ADCK5: variants seen among roughly 807,000 people sequenced by gnomAD.
ADCK5 encodes the protein aarF domain containing kinase 5.
Under a neutral mutation model 64.9 loss-of-function variants are expected in ADCK5, and 43 were observed. The ratio of observed to expected loss-of-function variants is 0.66; its 90% CI spans 0.52 to 0.85. The LOEUF (loss-of-function observed/expected upper bound fraction) is 0.85, where lower values mean the gene tolerates loss of function less well. Among genes scored for constraint, ADCK5 ranks in the 40% least tolerant of loss-of-function variants. The pLI is 0.00. For synonymous variants in ADCK5, 434 were observed against 342.8 expected, an observed-to-expected ratio of 1.27 and a Z score of -2.94; for missense variants, 760 against 810.5, an observed-to-expected ratio of 0.94 and a Z score of 0.76.
intron 1 of ADCK5, 64 bp from the exon 2 acceptor site, chr8:144,379,323 A>G (rs1819499960): frequency 8.0e-7 from 1 of 1,245,748 alleles, no homozygotes; most frequent in Admixed American, 2.3e-5. Flanking sequence ...AAGTGCTGGT[A>G]CTGGTTGAGG....
chr8:144,383,081 G>T lies in ADCK5; in HGVS notation c.117G>T (p.Arg39Ser), dbSNP rs782060730. The change falls in exon 3 of 15, where the codon AGG (arginine) becomes AGT (serine). Residue 39 changes from arginine to serine, a missense_variant and splice_region_variant. By Grantham distance (110) the Arg-to-Ser change is moderately radical. Around this residue, in one of 2 missense-constraint regions of ADCK5, gnomAD observed 427 missense variants for 518.4 expected, o/e 0.82. Transcript: ENST00000308860. ...TCCAGGCTGCATTGTCTCTCCTCAG[G>T]TTCTCCAGCCCCACACCCCTGTGGA... ...FRRNVRGLPPRFSSPTPLWRK... is the reference protein window; with the variant it reads ...FRRNVRGLPPSFSSPTPLWRK... 12 of 1,587,266 alleles carry T rather than the reference G, an allele frequency of 7.6e-6. No homozygotes were observed. The African/African-American group carries it at 1.1e-4, about 14-fold the overall frequency.
chr8:144,391,762 C>A, intron 8 of ADCK5, 21 bp from the exon 9 acceptor site: 1 of 1,540,896 alleles, frequency 6.5e-7, no homozygotes, highest in Non-Finnish European at 8.7e-7. Context: ...CCTGCTGAGC[C>A]CAGCCTCTTG....
Position 144,391,047 on chromosome 8 carries a change from C to T in ADCK5, c.534C>T (p.Gly178=), listed in dbSNP as rs1820195861. 1.9e-6 allele frequency: 3 copies of T among 1,612,280 alleles called. No homozygotes were observed. The African/African-American group carries it at 4.0e-5, about 22-fold the overall frequency. Residue 178 remains glycine (G), a synonymous_variant, in exon 5 of 15, where the codon GGC becomes GGT. Coordinates refer to ENST00000308860, the MANE Select transcript of ADCK5 (RefSeq NM_174922.5). ...TAGAGGACAGGGCCCTCAAGCGGGG[C>T]TTCCAGGAGGTGAGTGTGCGCTCAG... The part of the protein sequence containing the change: ...RVLEDRALKR[G]FQEVDELFLE...
chr8:144,383,373 C>T, intron 3 of ADCK5, 143 bp downstream of exon 3: 1 of 1,270,698 alleles, frequency 7.9e-7, no homozygotes. Context: ...TTTACAGCTG[C>T]TTTTCAGGCG....
Position 144,392,952 on chromosome 8 carries a change from T to C in ADCK5, c.1638-17T>C, listed in dbSNP as rs377619920. ...CTGCTCCCCACCCACCTGTGACCTG[T>C]GACCTGACCCACGCAGGCTGGAGAC... On this transcript the variant is annotated splice_polypyrimidine_tract_variant and intron_variant, in intron 14 of 14. Coordinates refer to ENST00000308860, the MANE Select transcript of ADCK5 (RefSeq NM_174922.5). The C allele has an allele frequency of 5.7e-6, 9 of 1,586,962 alleles. No homozygotes were observed. Among genetic ancestry groups the C allele is most frequent in the African/African-American group, 2.7e-5 (2 of 74,648 alleles).
chr8:144,393,079 C>T lies in ADCK5; in HGVS notation c.*5C>T, dbSNP rs1820407258. On this transcript the variant is annotated 3_prime_UTR_variant, in exon 15 of 15. Transcript: ENST00000308860. ...TACCAGTACCTGGAGACCTAGGGTG[C>T]AGCCGCCCAGGGCCGGCGGGGCCCT... is the stretch of plus-strand genomic sequence containing the variant. The T allele has an allele frequency of 1.3e-6, 2 of 1,561,402 alleles. No homozygotes were observed. Among genetic ancestry groups the T allele is most frequent in the Non-Finnish European group, 8.6e-7 (1 of 1,158,168 alleles).
upstream of ADCK5, chr8:144,373,989 G>A: frequency 8.4e-7 from 1 of 1,189,308 alleles, no homozygotes; most frequent in Non-Finnish European, 1.1e-6. Context: ...CCACGGGGCG[G>A]GGCTCTGGCT....
At position 144,383,245 on chromosome 8, in the gene ADCK5, C is replaced by T. The variant is rs201452935; in HGVS notation, c.266+15C>T. ...CGCTTTGGCAGGTAGGAGGGCCTGG[C>T]GGCAGGCAGGGGTTGCGGCGTGGCG... On this transcript the variant is annotated intron_variant, in intron 3 of 14. Transcript: ENST00000308860. The T allele has an allele frequency of 1.8e-5, 28 of 1,555,340 alleles. No individual in the cohort carries two copies. In the Admixed American group the frequency reaches 4.0e-4, roughly 22 times the overall value.
rs782811188 is a variant in ADCK5, at chr8:144,390,746, G to A, written c.342G>A (p.Glu114=). ...ATGTTGTCCTTCGAGGGGTGGAAGA[G>A]GTTTGTCCTGGTGCCCTGGGCACAC... ...CTNVVLRGVE[E]NSPGYLEVMS... The change falls in exon 4 of 15, where the codon GAG becomes GAA. Residue 114 remains glutamate, a splice_region_variant and synonymous_variant. Coordinates refer to ENST00000308860, the MANE Select transcript of ADCK5 (RefSeq NM_174922.5). The A allele has an allele frequency of 6.2e-7, 1 of 1,613,564 alleles. No homozygotes were observed. The highest frequency in any genetic ancestry group is 1.1e-5 in the South Asian group (1 of 90,994).
intron 1 of ADCK5, chr8:144,377,579 A>C (rs1056846458): frequency 3.3e-5 from 5 of 152,176 alleles, no homozygotes; most frequent in African/African-American, 1.2e-4. Context: ...TAATCTCCTG[A>C]CCTCATGATC....
intron 1 of ADCK5, among the ~76,000 whole-genome samples, chr8:144,379,175 C>T (rs1243104460): frequency 2.0e-5 from 3 of 152,084 alleles, no homozygotes; most frequent in Admixed American, 6.5e-5. Context: ...TCAGATGATC[C>T]ACCCGCCTCG....
intron 9 of ADCK5, 34 bp from the exon 10 acceptor site, chr8:144,391,907 G>A (rs782043580): frequency 1.2e-6 from 2 of 1,610,872 alleles, no homozygotes; most frequent in South Asian, 1.1e-5. Flanking sequence ...GCGGGCTGGT[G>A]CTGTGTCCAC....
rs1554860303 is a variant in ADCK5, at chr8:144,390,919, G to T, written c.406G>T (p.Ala136Ser). Residue 136 changes from alanine to serine, a missense_variant, in exon 5 of 15, where the codon GCA (alanine) becomes TCA (serine). Ala to Ser is a moderately conservative substitution (Grantham distance 99). Around this residue, in one of 2 missense-constraint regions of ADCK5, gnomAD observed 427 missense variants for 518.4 expected, o/e 0.82. Coordinates refer to ENST00000308860, the MANE Select transcript of ADCK5 (RefSeq NM_174922.5). ...CCAGCGGGCGGCTGATGCCCTGGTG[G>T]CAGGGGCCATCAGCAACGGGGGCCT... ...CHQRAADALV[A>S]GAISNGGLYV... The T allele has an allele frequency of 2.1e-5, 34 of 1,612,828 alleles. No individual in the cohort carries two copies. Among genetic ancestry groups the T allele is most frequent in the Non-Finnish European group, 2.8e-5 (33 of 1,179,960 alleles).
At chr8:144,392,397 C>T (rs1297770273) in intron 12 of ADCK5, 48 bp from the exon 13 acceptor site, 52 of 1,491,190 alleles carry the variant, frequency 3.5e-5, no homozygotes, top group Non-Finnish European at 4.6e-5. Context: ...TCGGGCGGCG[C>T]GGAACCCACT....
chr8:144,378,864 G>A (rs1564667483), intron 1 of ADCK5, among the ~76,000 whole-genome samples: 2 of 151,972 alleles, frequency 1.3e-5, no homozygotes, highest in Non-Finnish European at 2.9e-5. Flanking sequence ...GGGCGACAGA[G>A]TGAGACTCCA....
chr8:144,374,646 C>T (rs1819290834), intron 1 of ADCK5, among the ~76,000 whole-genome samples: 1 of 152,172 alleles, frequency 6.6e-6, no homozygotes, highest in Non-Finnish European at 1.5e-5. Flanking sequence ...CTCCCGGAAT[C>T]ACGGACGCCT....
At chr8:144,375,934 G>A (rs1554857094) in intron 1 of ADCK5, among the ~76,000 whole-genome samples, 1 of 152,222 alleles carries the variant, frequency 6.6e-6, no homozygotes, top group Non-Finnish European at 1.5e-5. Flanking sequence ...TAGAGGTCGT[G>A]TTCTGGGTGC....
intron 1 of ADCK5, 81 bp downstream of exon 1, chr8:144,374,188 C>A: frequency 1.7e-6 from 2 of 1,205,922 alleles, no homozygotes; most frequent in Non-Finnish European, 2.1e-6. Flanking sequence ...CCCCAGACCC[C>A]GCCCTAGAGA....
chr8:144,388,313 T>C (rs1257380261), intron 3 of ADCK5, among the ~76,000 whole-genome samples: 5 of 143,938 alleles, frequency 3.5e-5, no homozygotes, highest in Admixed American at 2.8e-4. Flanking sequence ...GCCTAGACTG[T>C]GCCACTGCAC....
Sources: gnomAD v4.1 joint callset for allele counts (sites outside exome capture counted in the v4.1 genomes callset) on GRCh38, gnomAD v4.1.1 for gene constraint, gnomAD v4.1.1 regional missense constraint, MANE v1.5 for transcripts, NCBI Gene and HGNC (gene_info 2026-07-23, HGNC 2026-07-21) for gene names.